Variants in PDLIM5 observed in about 807,000 individuals in gnomAD.
PDLIM5 encodes PDZ and LIM domain protein 5.
In PDLIM5, 34 loss-of-function variants were observed where a neutral mutation model predicts 64.2. The ratio of observed to expected loss-of-function variants is 0.53; its 90% CI spans 0.40 to 0.71. The LOEUF (loss-of-function observed/expected upper bound fraction) is 0.71. PDLIM5 is among the 30% of genes least tolerant of loss of function. PDLIM5 has a pLI of 0.00. For missense variants in PDLIM5, 683 were observed against 733.6 expected, an observed-to-expected ratio of 0.93 and a Z score of 0.80; for synonymous variants, 253 against 269.1, an observed-to-expected ratio of 0.94 and a Z score of 0.59.
intron 9 of PDLIM5, among the ~76,000 whole-genome samples, chr4:94,652,533 A>G (rs1383253489): frequency 2.0e-5 from 3 of 152,184 alleles, no homozygotes; most frequent in Admixed American, 1.3e-4. Context: ...CCAAACATAC[A>G]CTGAGAAAAT....
At chr4:94,456,698 ATATAAG>A in intron 2 of PDLIM5, 1 of 1,337,668 alleles carries the variant, frequency 7.5e-7, no homozygotes. Flanking sequence ...TGAATACCAA[ATATAAG>A]TACATACATA....
chr4:94,458,673 G>A (rs564779612), intron 2 of PDLIM5, among the ~76,000 whole-genome samples: 6 of 152,086 alleles, frequency 3.9e-5, no homozygotes, highest in African/African-American at 9.7e-5. Context: ...CTGGTGTATC[G>A]AATTGTGTTA....
intron 3 of PDLIM5, among the ~76,000 whole-genome samples, chr4:94,551,908 A>G (rs1316666131): frequency 1.3e-5 from 2 of 152,160 alleles, no homozygotes; most frequent in Non-Finnish European, 2.9e-5. Flanking sequence ...GCTTTAGGAA[A>G]TACATTATTC....
At chr4:94,634,773 A>G (rs908516696) in intron 8 of PDLIM5, among the ~76,000 whole-genome samples, 7 of 152,136 alleles carry the variant, frequency 4.6e-5, no homozygotes, top group Non-Finnish European at 1.0e-4. Context: ...AATAACCCCC[A>G]CTTTATTCTT....
At chr4:94,595,124 ATC>A (rs546387603) in intron 7 of PDLIM5, among the ~76,000 whole-genome samples, 162 of 152,300 alleles carry the variant, frequency 1.1e-3, no homozygotes, top group Non-Finnish European at 1.7e-3. Context: ...CATGAGAACA[ATC>A]TCACTGTCAC....
At position 94,664,949 on chromosome 4, in the gene PDLIM5, C is replaced by A; in HGVS notation, c.*882C>A. The A allele has an allele frequency of 3.1e-6, 3 of 981,032 alleles. No individual in the cohort carries two copies. Among genetic ancestry groups the A allele is most frequent in the Non-Finnish European group, 3.6e-6 (3 of 826,012 alleles). The allele number at this position is 981,032 out of a possible 1,614,324, so 60.8% of individuals were successfully genotyped here. The stretch of plus-strand genomic sequence containing the variant: ...AGGAAAGGACAATAAGATTTTTTAT[C>A]AAAATGTGTCATGCCAGTAAGAGAT... On this transcript the variant is annotated 3_prime_UTR_variant, in exon 13 of 13. Coordinates refer to ENST00000317968, the MANE Select transcript of PDLIM5 (RefSeq NM_006457.5).
chr4:94,509,148 C>T (rs1728648808), intron 2 of PDLIM5, among the ~76,000 whole-genome samples: 1 of 152,064 alleles, frequency 6.6e-6, no homozygotes, highest in Non-Finnish European at 1.5e-5. Context: ...CATAATGGCC[C>T]AGATTATCTT....
rs1440534380 is a variant in PDLIM5 at position 94,602,000 on chromosome 4, A to AC, written c.920+15560dup. ...ATAAATAGCTTTGCTATGCCAGTGAACCCCAAAAGGGCAGAATCTAGCTAT... is the reference window on the plus strand; with the variant it reads ...ATAAATAGCTTTGCTATGCCAGTGAACCCCCAAAAGGGCAGAATCTAGCTAT... On this transcript the variant is annotated intron_variant, in intron 7 of 12. Transcript: ENST00000317968. Among the ~76,000 whole-genome samples, 11 of 152,184 alleles carry AC rather than the reference A, an allele frequency of 7.2e-5. No homozygotes were observed. The East Asian group carries it at 1.5e-3, about 21-fold the overall frequency.
chr4:94,478,255 CAAAAA>C (rs1156675410), intron 2 of PDLIM5, among the ~76,000 whole-genome samples: 1 of 74,498 alleles, frequency 1.3e-5, no homozygotes, highest in Admixed American at 1.6e-4. Context: ...GACTCCGTCT[CAAAAA>C]AAAAAAAAAA....
chr4:94,602,183 CTCG>C (rs1737558286), intron 7 of PDLIM5, among the ~76,000 whole-genome samples: 1 of 152,104 alleles, frequency 6.6e-6, no homozygotes, highest in Non-Finnish European at 1.5e-5. Context: ...TTATTGAAAA[CTCG>C]TCGTGTGGGT....
At chr4:94,553,987 A>C (rs1302804000) in intron 3 of PDLIM5, among the ~76,000 whole-genome samples, 2 of 152,190 alleles carry the variant, frequency 1.3e-5, no homozygotes, top group African/African-American at 4.8e-5. Context: ...TTCACAGATA[A>C]TTTGTCTTTG....
chr4:94,478,247 C>T (rs1282564637), intron 2 of PDLIM5, among the ~76,000 whole-genome samples: 3 of 135,468 alleles, frequency 2.2e-5, no homozygotes. Flanking sequence ...CAGAGCCAGA[C>T]TCCGTCTCAA....
At chr4:94,593,359 G>A (rs1736819741) in intron 7 of PDLIM5, among the ~76,000 whole-genome samples, 1 of 152,148 alleles carries the variant, frequency 6.6e-6, no homozygotes, top group African/African-American at 2.4e-5. Context: ...ACACAGACTG[G>A]TTAGGTGGGA....
At chr4:94,477,441 G>A (rs1725422218) in intron 2 of PDLIM5, among the ~76,000 whole-genome samples, 1 of 152,116 alleles carries the variant, frequency 6.6e-6, no homozygotes, top group Admixed American at 6.5e-5. Flanking sequence ...GTGTTTAAAT[G>A]TTCTTAAAGT....
At chr4:94,505,173 C>T (rs1728277265) in intron 2 of PDLIM5, among the ~76,000 whole-genome samples, 1 of 152,176 alleles carries the variant, frequency 6.6e-6, no homozygotes, top group Admixed American at 6.5e-5. Context: ...TCAATTCTGA[C>T]ACTACCTACC....
At chr4:94,584,846 A>T (rs1237453906) in intron 5 of PDLIM5, 11 of 623,990 alleles carry the variant, frequency 1.8e-5, no homozygotes, top group Non-Finnish European at 3.1e-5. Flanking sequence ...AGTGAACAAT[A>T]CAAATAATTT....
intron 7 of PDLIM5, among the ~76,000 whole-genome samples, chr4:94,609,436 A>C (rs1410258014): frequency 6.6e-6 from 1 of 152,200 alleles, no homozygotes; most frequent in Non-Finnish European, 1.5e-5. Context: ...TTAATTAATA[A>C]ATACTTATTA....
rs369895319 is a variant in PDLIM5 at position 94,528,506 on chromosome 4, GT to G, written c.248+4640del. ...AAGACTCTTTAAGAGCAAAAACCAT[GT>G]TTTTTTTTACTCTATTTGTATTTGA... is the stretch of plus-strand genomic sequence containing the variant. On this transcript the variant is annotated intron_variant, in intron 3 of 12. Transcript: ENST00000317968. 7.2e-4 allele frequency among the ~76,000 whole-genome samples: 109 copies of G among 151,366 alleles called. No individual in the cohort carries two copies. In the East Asian group the frequency reaches 7.8e-3, roughly 11 times the overall value.
intron 2 of PDLIM5, among the ~76,000 whole-genome samples, chr4:94,480,822 T>G (rs1360393291): frequency 1.3e-5 from 2 of 152,148 alleles, no homozygotes; most frequent in African/African-American, 4.8e-5. Context: ...AGGAGACAGC[T>G]GCCAGCACAG....
Sources: allele counts gnomAD v4.1 joint callset (sites outside exome capture counted in the v4.1 genomes callset), GRCh38; gene constraint gnomAD v4.1.1; transcripts MANE v1.5; gene names NCBI Gene and HGNC (gene_info 2026-07-23, HGNC 2026-07-21).